FRMPD3: variants seen among roughly 807,000 people sequenced by gnomAD.
The protein encoded by FRMPD3 is FERM and PDZ domain-containing protein 3.
In FRMPD3, 42 loss-of-function variants were observed where a neutral mutation model predicts 97.9. The observed-to-expected ratio is 0.43, with a 90% confidence interval of 0.34 to 0.55. FRMPD3 has a LOEUF of 0.55. Among genes scored for constraint, FRMPD3 ranks in the 20% least tolerant of loss-of-function variants. The pLI is 0.03. For synonymous variants in FRMPD3, 577 were observed against 581.1 expected (o/e 0.99, Z 0.10); for missense variants, 1,303 against 1,457.7 (o/e 0.89, Z 1.73).
Position 107,526,690 on chromosome X carries a change from C to T in FRMPD3, c.102C>T (p.Phe34=), listed in dbSNP as rs372670453. ...GAGACCCTATATATGGCTTTGGCTT[C>T]GTGGCTGGCAGTGAGAGGCCTGTGG... The part of the protein sequence containing the change: ...VHRDPIYGFG[F]VAGSERPVVV... The change falls in exon 2 of 15, where the codon TTC becomes TTT. Residue 34 remains phenylalanine, a synonymous_variant. Coordinates refer to ENST00000683843, the MANE Select transcript of FRMPD3 (RefSeq NM_001388459.1). The T allele has an allele frequency of 2.5e-6, 3 of 1,206,644 alleles. No individual in the cohort carries two copies. The highest frequency in any genetic ancestry group is 3.4e-6 in the Non-Finnish European group (3 of 893,451).
At chrX:107,459,723 G>A (rs537655432) in intron 1 of FRMPD3, among the ~76,000 whole-genome samples, 2 of 112,697 alleles carry the variant, frequency 1.8e-5, no homozygotes, top group Admixed American at 9.3e-5. Context: ...TCAGGCTGTG[G>A]GCTCCTAACT....
At chrX:107,513,928 C>T (rs955610062) in intron 1 of FRMPD3, among the ~76,000 whole-genome samples, 9 of 112,011 alleles carry the variant, frequency 8.0e-5, no homozygotes, top group African/African-American at 1.3e-4. Context: ...GAATATATAA[C>T]TACAAATCGT....
intron 13 of FRMPD3, among the ~76,000 whole-genome samples, chrX:107,584,004 C>T (rs1923525696): frequency 9.2e-6 from 1 of 108,666 alleles, no homozygotes; most frequent in African/African-American, 3.4e-5. Context: ...GTAGCTGCAA[C>T]TACAGGCGCC....
intron 14 of FRMPD3, among the ~76,000 whole-genome samples, chrX:107,598,700 C>T (rs1375078910): frequency 1.8e-5 from 2 of 111,958 alleles, no homozygotes; most frequent in Non-Finnish European, 3.8e-5. Context: ...AACCTCATTC[C>T]ATCATCTTAA....
intron 4 of FRMPD3, among the ~76,000 whole-genome samples, chrX:107,542,423 G>GA (rs923255353): frequency 2.7e-5 from 3 of 111,618 alleles, no homozygotes; most frequent in Non-Finnish European, 5.6e-5. Flanking sequence ...TCAGAAGCTT[G>GA]AAAAAAATAC....
Position 107,565,063 on chromosome X carries a change from C to G in FRMPD3, c.1293C>G (p.Ala431=). ...VARVETSIMD[A]KPLVLLMEWP... ...GGGTGGAGACCAGCATCATGGATGC[C>G]AAGGTAAGCCCTGCTTTGAGGGCCT... The change falls in exon 12 of 15, where the codon GCC becomes GCG. Residue 431 remains alanine, a synonymous_variant. Transcript: ENST00000683843. 1 of 1,178,125 alleles carries G rather than the reference C, an allele frequency of 8.5e-7. No homozygotes were observed. Among genetic ancestry groups the G allele is most frequent in the Non-Finnish European group, 1.1e-6 (1 of 878,611 alleles).
At chrX:107,543,784 C>G (rs149217799) in intron 4 of FRMPD3, among the ~76,000 whole-genome samples, 2,244 of 105,178 alleles carry the variant, frequency 0.021, 60 homozygotes, top group African/African-American at 0.074. Flanking sequence ...CCACTGCACT[C>G]TAGCCTGGGC....
chrX:107,583,985 G>A (rs1296822933), intron 13 of FRMPD3, among the ~76,000 whole-genome samples: 3 of 106,944 alleles, frequency 2.8e-5, no homozygotes, highest in Non-Finnish European at 3.8e-5. Context: ...TCTTGCCTCA[G>A]CCTCCCGAGT....
chrX:107,533,594 AGAG>A, intron 4 of FRMPD3, 44 bp downstream of exon 4: 1 of 1,129,151 alleles, frequency 8.9e-7, no homozygotes, highest in Non-Finnish European at 1.2e-6. Context: ...CTGACTGAGA[AGAG>A]ATGACATTTC....
In FRMPD3 at chrX:107,600,718, G is replaced by T. The variant is rs572795820; in HGVS notation, c.2679G>T (p.Leu893=). The stretch of plus-strand genomic sequence containing the variant: ...TTAGTGAACAGAAGAATCTGAGTCT[G>T]CTGTCCCCAGTTCCTGAGGACAAAG... ...PQLSEQKNLS[L]LSPVPEDKGP... Residue 893 remains leucine (L), a synonymous_variant, in exon 15 of 15, where the codon CTG becomes CTT. Coordinates refer to ENST00000683843, the MANE Select transcript of FRMPD3 (RefSeq NM_001388459.1). 1.0e-4 allele frequency: 125 copies of T among 1,200,603 alleles called. No homozygotes were observed. In the South Asian group the frequency reaches 1.3e-3, roughly 13 times the overall value.
intron 13 of FRMPD3, among the ~76,000 whole-genome samples, chrX:107,594,944 T>C (rs1371008435): frequency 1.8e-5 from 2 of 112,354 alleles, no homozygotes; most frequent in Non-Finnish European, 3.8e-5. Flanking sequence ...AATTTTGGTA[T>C]GTGGTATTTT....
chrX:107,477,434 T>C (rs1368089645), intron 1 of FRMPD3, among the ~76,000 whole-genome samples: 5 of 112,422 alleles, frequency 4.4e-5, no homozygotes, highest in Non-Finnish European at 9.4e-5. Context: ...GGGACTGTCA[T>C]ATAGAAATAT....
intron 1 of FRMPD3, among the ~76,000 whole-genome samples, chrX:107,495,767 A>C (rs1337215033): frequency 8.9e-6 from 1 of 112,724 alleles, no homozygotes; most frequent in Non-Finnish European, 1.9e-5. Flanking sequence ...TACTCTTCAC[A>C]GCAACTTTAC....
chrX:107,457,790 T>C (rs1477377531), intron 1 of FRMPD3, among the ~76,000 whole-genome samples: 1 of 112,042 alleles, frequency 8.9e-6, no homozygotes, highest in East Asian at 2.8e-4. Context: ...TACTCTCAGC[T>C]CCATCCCATC....
intron 1 of FRMPD3, among the ~76,000 whole-genome samples, chrX:107,512,096 C>T (rs1159251650): frequency 9.1e-6 from 1 of 110,286 alleles, no homozygotes; most frequent in Non-Finnish European, 1.9e-5. Context: ...CTACAGCCTC[C>T]GGTGAGTGGG....
At chrX:107,571,134 A>G (rs1922868436) in intron 12 of FRMPD3, among the ~76,000 whole-genome samples, 1 of 112,084 alleles carries the variant, frequency 8.9e-6, no homozygotes, top group South Asian at 3.7e-4. Flanking sequence ...GTGGAAAAAG[A>G]AATCATCAAA....
chrX:107,496,577 AGT>A (rs1363255919), intron 1 of FRMPD3, among the ~76,000 whole-genome samples: 2 of 111,910 alleles, frequency 1.8e-5, no homozygotes, highest in African/African-American at 6.5e-5. Context: ...ATCACCTCTG[AGT>A]GTTAGCTTTT....
chrX:107,538,324 T>C (rs1194793831), intron 4 of FRMPD3, among the ~76,000 whole-genome samples: 1 of 110,317 alleles, frequency 9.1e-6, no homozygotes, highest in East Asian at 2.8e-4. Context: ...TTAGCTATAC[T>C]GAAAGCTTCT....
At chrX:107,521,931 T>G (rs977828663) in intron 1 of FRMPD3, among the ~76,000 whole-genome samples, 2 of 112,423 alleles carry the variant, frequency 1.8e-5, no homozygotes, top group Non-Finnish European at 3.8e-5. Context: ...TTAGAATCAT[T>G]CCATATTCTT....
Sources: allele counts gnomAD v4.1 joint callset (sites outside exome capture counted in the v4.1 genomes callset), GRCh38; gene constraint gnomAD v4.1.1; transcripts MANE v1.5; gene names NCBI Gene and HGNC (gene_info 2026-07-23, HGNC 2026-07-21).